Variants in KDM8 observed in about 807,000 individuals in gnomAD.
The protein encoded by KDM8 is lysine demethylase 8.
KDM8 carries 35 observed loss-of-function variants against 46.9 expected under a neutral mutation model. That is an observed-to-expected ratio of 0.75 (90% confidence interval 0.57 to 0.99). KDM8 has a LOEUF of 0.99. KDM8 is among the 50% of genes least tolerant of loss of function. The probability of loss-of-function intolerance (pLI) is 0.00; values close to 1 mark genes in which losing one functional copy is unlikely to be tolerated. For synonymous variants in KDM8, 232 were observed against 227.7 expected (o/e 1.02, Z -0.17); for missense variants, 475 against 537.0 (o/e 0.88, Z 1.14).
Position 27,220,997 on chromosome 16 carries a change from C to CA in KDM8, c.*268dup. 1.9e-6 allele frequency: 1 copy of CA among 519,738 alleles called. No individual in the cohort carries two copies. The highest frequency in any genetic ancestry group is 3.5e-6 in the Non-Finnish European group (1 of 285,316). The allele number at this position is 519,738 out of a possible 1,614,324, so 32.2% of individuals were successfully genotyped here. A position where few individuals can be genotyped will look rare whatever the true frequency, so the allele number is the denominator to read the frequency against. Reference sequence around the variant, plus strand: ...AAGGACATTGCAGACAGACAGCCTGCATGGGGACTCTGGCATCAGAAAGCC... The same window carrying CA: ...AAGGACATTGCAGACAGACAGCCTGCAATGGGGACTCTGGCATCAGAAAGCC... On this transcript the variant is annotated 3_prime_UTR_variant, in exon 8 of 8. Transcript: ENST00000286096.
intron 2 of KDM8, chr16:27,211,324 T>A: frequency 2.5e-6 from 1 of 403,978 alleles, no homozygotes; most frequent in Non-Finnish European, 4.9e-6. Flanking sequence ...CCTGTCTCTC[T>A]GCTCCTGGGT....
At chr16:27,213,524 A>G in intron 2 of KDM8, 61 bp from the exon 3 acceptor site, 1 of 1,562,260 alleles carries the variant, frequency 6.4e-7, no homozygotes, top group Non-Finnish European at 8.8e-7. Context: ...TCCTGGTGGA[A>G]TACCTCAAAT....
chr16:27,207,906 G>A (rs911874876), intron 1 of KDM8, among the ~76,000 whole-genome samples: 2 of 152,128 alleles, frequency 1.3e-5, no homozygotes, highest in African/African-American at 4.8e-5. Context: ...GAGGCCTTTG[G>A]GGAGGCCATT....
intron 1 of KDM8, chr16:27,206,281 T>G (rs2083427567): frequency 2.2e-6 from 2 of 920,562 alleles, no homozygotes; most frequent in South Asian, 5.0e-5. Context: ...GCTTTTTTTT[T>G]TTTTCGGGAG....
At chr16:27,205,564 G>A (rs957196492) in intron 1 of KDM8, among the ~76,000 whole-genome samples, 5 of 152,070 alleles carry the variant, frequency 3.3e-5, no homozygotes, top group Non-Finnish European at 5.9e-5. Context: ...TCTCTGGGCC[G>A]GGCGTGGCGG....
intron 1 of KDM8, among the ~76,000 whole-genome samples, chr16:27,206,424 C>A (rs772162612): frequency 9.2e-5 from 14 of 152,238 alleles, no homozygotes; most frequent in South Asian, 6.2e-4. Flanking sequence ...AGGCGTGGAC[C>A]ACCACGCTGG....
rs375861680 is a variant in KDM8, at chr16:27,218,969, G to A, written c.852G>A (p.Glu284=). Residue 284 remains glutamate (E), a synonymous_variant, in exon 6 of 8, where the codon GAG becomes GAA. Transcript: ENST00000286096. ...TGCTCTGCCGCCCACAGATCCCGGA[G>A]TTGAAGCAGGACATCAGCATCCCCG... ...AQHQLFDQIP[E]LKQDISIPDY... The A allele has an allele frequency of 7.4e-6, 12 of 1,614,026 alleles. No homozygotes were observed. The East Asian group carries it at 2.0e-4, about 27-fold the overall frequency.
chr16:27,209,911 C>G (rs7184930), intron 1 of KDM8, among the ~76,000 whole-genome samples, 182 bp from the exon 2 acceptor site: 2,084 of 152,304 alleles, frequency 0.014, 58 homozygotes, highest in African/African-American at 0.048. Flanking sequence ...AGGTGTTGCG[C>G]CAGGCCCTGA....
intron 5 of KDM8, among the ~76,000 whole-genome samples, chr16:27,217,343 G>C (rs151223498): frequency 3.9e-5 from 6 of 152,218 alleles, no homozygotes; most frequent in Admixed American, 6.5e-5. Context: ...GATTCCCTTC[G>C]GGTCTCTGCA....
intron 1 of KDM8, among the ~76,000 whole-genome samples, chr16:27,206,988 G>A (rs1295405041): frequency 6.6e-6 from 1 of 152,236 alleles, no homozygotes. Context: ...GGGGTAGATG[G>A]ACACAACAAA....
intron 1 of KDM8, among the ~76,000 whole-genome samples, chr16:27,208,961 C>T (rs1465469372): frequency 6.6e-6 from 1 of 152,236 alleles, no homozygotes; most frequent in Non-Finnish European, 1.5e-5. Flanking sequence ...CCTGTGGATA[C>T]AAAGTCCAAA....
chr16:27,214,642 A>G (rs2083526923), intron 3 of KDM8: 3 of 486,940 alleles, frequency 6.2e-6, no homozygotes, highest in Non-Finnish European at 1.1e-5. Context: ...CCAGCCAACC[A>G]GACTTACCGG....
At chr16:27,216,016 C>G in intron 5 of KDM8, 27 bp downstream of exon 5, 1 of 1,613,148 alleles carries the variant, frequency 6.2e-7, no homozygotes, top group South Asian at 1.1e-5. Flanking sequence ...GCACCTCTGC[C>G]CCTCACCGTC....
At chr16:27,207,507 A>G (rs2083439751) in intron 1 of KDM8, among the ~76,000 whole-genome samples, 1 of 152,242 alleles carries the variant, frequency 6.6e-6, no homozygotes, top group African/African-American at 2.4e-5. Flanking sequence ...GGGGAAGCCT[A>G]TGCAACAAGG....
chr16:27,213,512 G>A (rs1297965964), intron 2 of KDM8, 73 bp from the exon 3 acceptor site: 1 of 1,526,692 alleles, frequency 6.6e-7, no homozygotes, highest in African/African-American at 1.4e-5. Flanking sequence ...CCTGACACAG[G>A]TTCCTGGTGG....
intron 1 of KDM8, 135 bp from the exon 2 acceptor site, chr16:27,209,958 C>A (rs2083464201): frequency 7.8e-6 from 7 of 895,682 alleles, no homozygotes; most frequent in Middle Eastern, 3.5e-4. Flanking sequence ...GAGGGCCCTC[C>A]CCTCCAGAGC....
chr16:27,213,681 T>A lies in KDM8; in HGVS notation c.595T>A (p.Phe199Ile), dbSNP rs1238021007. The change falls in exon 3 of 8, where the codon TTT becomes ATT. Residue 199 changes from phenylalanine (F) to isoleucine (I), a missense_variant. Transcript: ENST00000286096. ...GTCCCTCCAGCATTTCAGGGAGCAG[T>A]TTTTGGTTCCAGGGAGGCCCGTGAT... ...RPSLQHFREQ[F>I]LVPGRPVILK... The A allele has an allele frequency of 5.6e-6, 9 of 1,613,826 alleles. No individual in the cohort carries two copies. In the East Asian group the frequency reaches 1.8e-4, roughly 32 times the overall value.
chr16:27,220,339 T>G (rs1472408287), intron 6 of KDM8, 54 bp from the exon 7 acceptor site: 1 of 1,504,996 alleles, frequency 6.6e-7, no homozygotes, highest in Non-Finnish European at 9.2e-7. Flanking sequence ...AGAGTGGGCT[T>G]GGGGCAGCAG....
chr16:27,216,842 G>C (rs1235031627), intron 5 of KDM8, among the ~76,000 whole-genome samples: 1 of 152,012 alleles, frequency 6.6e-6, no homozygotes, highest in Non-Finnish European at 1.5e-5. Flanking sequence ...GTGATCCCGA[G>C]ACCCACCTTT....
Sources: gnomAD v4.1 joint callset for allele counts (sites outside exome capture counted in the v4.1 genomes callset) on GRCh38, gnomAD v4.1.1 for gene constraint, MANE v1.5 for transcripts, NCBI Gene and HGNC (gene_info 2026-07-23, HGNC 2026-07-21) for gene names.